CACNA2D1: variants seen among roughly 807,000 people sequenced by gnomAD.
CACNA2D1 encodes voltage-dependent calcium channel subunit alpha-2/delta-1.
CACNA2D1 carries 53 observed loss-of-function variants against 171.5 expected under a neutral mutation model. The observed-to-expected ratio is 0.31, with a 90% confidence interval of 0.25 to 0.39. CACNA2D1 has a LOEUF of 0.39. CACNA2D1 is among the 10% of genes least tolerant of loss of function. The pLI, the probability that CACNA2D1 is intolerant of heterozygous loss-of-function variation, is 1.00. For synonymous variants in CACNA2D1, 442 were observed against 443.1 expected (o/e 1.00, Z 0.03); for missense variants, 903 against 1,299.8 (o/e 0.69, Z 4.69).
At chr7:82,369,557 A>G (rs771612401) in intron 1 of CACNA2D1, among the ~76,000 whole-genome samples, 2 of 152,090 alleles carry the variant, frequency 1.3e-5, no homozygotes, top group Non-Finnish European at 2.9e-5. Flanking sequence ...AATTGTAAGA[A>G]GTTATTCTAC....
At chr7:81,953,941 T>C (rs1792906204) in intron 38 of CACNA2D1, among the ~76,000 whole-genome samples, 3 of 152,144 alleles carry the variant, frequency 2.0e-5, no homozygotes, top group Admixed American at 6.6e-5. Context: ...TCTGTTTCTA[T>C]TTGGGAGGTG....
At chr7:82,043,926 T>A (rs1804245142) in intron 10 of CACNA2D1, among the ~76,000 whole-genome samples, 1 of 152,212 alleles carries the variant, frequency 6.6e-6, no homozygotes, top group Non-Finnish European at 1.5e-5. Flanking sequence ...CAAGTAGTTC[T>A]GCACTGGAAA....
Position 82,123,175 on chromosome 7 carries a change from C to A in CACNA2D1, c.397-6002G>T, listed in dbSNP as rs1476872410. Among the ~76,000 whole-genome samples, 3 of 152,232 alleles carry A rather than the reference C, an allele frequency of 2.0e-5. No homozygotes were observed. The East Asian group carries it at 5.8e-4, about 29-fold the overall frequency. On this transcript the variant is annotated intron_variant, in intron 5 of 38. Transcript: ENST00000356860. ...GGAAAGCAGCCCCAAAAACATAAGG[C>A]AGAATTCTTAGAAGACACTGAGTCT... is the stretch of plus-strand genomic sequence containing the variant.
At chr7:82,442,830 A>T (rs1290655344) in intron 1 of CACNA2D1, among the ~76,000 whole-genome samples, 6 of 152,160 alleles carry the variant, frequency 3.9e-5, no homozygotes, top group African/African-American at 1.4e-4. Context: ...GCACGCGTCT[A>T]ATCGGAAGGC....
At chr7:82,216,542 G>A (rs976921717) in intron 3 of CACNA2D1, among the ~76,000 whole-genome samples, 6 of 152,108 alleles carry the variant, frequency 3.9e-5, no homozygotes, top group African/African-American at 1.4e-4. Context: ...ACATATTCAT[G>A]AGATATTTTA....
intron 3 of CACNA2D1, among the ~76,000 whole-genome samples, chr7:82,243,459 A>G (rs1804551309): frequency 1.3e-5 from 2 of 152,234 alleles, no homozygotes; most frequent in Non-Finnish European, 2.9e-5. Context: ...AAAATTCTCA[A>G]TTATACCCGA....
chr7:82,166,732 G>T (rs7809334), intron 4 of CACNA2D1, among the ~76,000 whole-genome samples: 50,019 of 151,860 alleles, frequency 0.33, 9,931 homozygotes, highest in East Asian at 0.54. Flanking sequence ...TGGAGACCTA[G>T]CAGGCAGCTG....
intron 19 of CACNA2D1, 59 bp from the exon 20 acceptor site, chr7:81,994,998 G>T (rs1275138899): frequency 2.4e-6 from 2 of 829,398 alleles, no homozygotes; most frequent in South Asian, 1.3e-5. Context: ...GCCAAAATAT[G>T]ACTATTAACA....
intron 1 of CACNA2D1, among the ~76,000 whole-genome samples, chr7:82,362,112 G>C (rs1004423168): frequency 1.5e-4 from 23 of 152,116 alleles, no homozygotes; most frequent in African/African-American, 4.6e-4. Context: ...TGAGGTCCCT[G>C]CTTAAGATGG....
intron 6 of CACNA2D1, among the ~76,000 whole-genome samples, chr7:82,110,112 C>T (rs1248187949): frequency 6.6e-6 from 1 of 152,096 alleles, no homozygotes; most frequent in African/African-American, 2.4e-5. Flanking sequence ...ACATAGTATC[C>T]AATGTCCACA....
intron 6 of CACNA2D1, among the ~76,000 whole-genome samples, chr7:82,092,516 G>A (rs1811298911): frequency 1.3e-5 from 2 of 149,878 alleles, no homozygotes; most frequent in African/African-American, 4.9e-5. Flanking sequence ...GGGACTACGG[G>A]CACCCACCAC....
intron 12 of CACNA2D1, among the ~76,000 whole-genome samples, chr7:82,021,864 T>C (rs552929516): frequency 3.9e-5 from 6 of 151,992 alleles, no homozygotes; most frequent in Non-Finnish European, 7.4e-5. Flanking sequence ...GTGAGCAGAG[T>C]TCTTAATCAG....
intron 3 of CACNA2D1, among the ~76,000 whole-genome samples, chr7:82,301,367 C>T (rs959259058): frequency 7.2e-5 from 11 of 152,056 alleles, no homozygotes; most frequent in African/African-American, 2.4e-4. Flanking sequence ...TCAGGTGATC[C>T]GCCTGCCTCA....
rs180942391 is a variant in CACNA2D1 at position 82,355,061 on chromosome 7, A to G, written c.96-5412T>C. On this transcript the variant is annotated intron_variant, in intron 1 of 38. Transcript: ENST00000356860. ...CAGATTTCAAATTTTTATTTTTTGC[A>G]TTTTTTGCCTGATAACTTATGAATA... Among the ~76,000 whole-genome samples the G allele has an allele frequency of 3.4e-4, 51 of 152,128 alleles. 2 individuals are homozygous for G. The East Asian group carries it at 9.7e-3, about 29-fold the overall frequency.
intron 1 of CACNA2D1, among the ~76,000 whole-genome samples, chr7:82,408,094 C>T (rs2129453597): frequency 6.6e-6 from 1 of 150,512 alleles, no homozygotes; most frequent in Non-Finnish European, 1.5e-5. Context: ...GATCTTGGCT[C>T]ACTGCAACCT....
chr7:82,126,649 T>G (rs1790363948), intron 5 of CACNA2D1, among the ~76,000 whole-genome samples: 1 of 152,192 alleles, frequency 6.6e-6, no homozygotes, highest in Non-Finnish European at 1.5e-5. Context: ...TGTATTTATC[T>G]TCTCTGAATT....
intron 3 of CACNA2D1, among the ~76,000 whole-genome samples, chr7:82,226,826 T>C (rs1012504969): frequency 1.3e-5 from 2 of 152,194 alleles, no homozygotes; most frequent in African/African-American, 4.8e-5. Flanking sequence ...ATCTACTAGA[T>C]ATTTTCAACA....
chr7:82,095,153 T>G (rs1811704614), intron 6 of CACNA2D1, among the ~76,000 whole-genome samples: 1 of 152,108 alleles, frequency 6.6e-6, no homozygotes, highest in South Asian at 2.1e-4. Context: ...AATGTCATTC[T>G]GTATGCTGTC....
At position 82,307,523 on chromosome 7, in the gene CACNA2D1, A is replaced by G. The variant is rs1050968091; in HGVS notation, c.294+27612T>C. Among the ~76,000 whole-genome samples, 17 of 150,252 alleles carry G rather than the reference A, an allele frequency of 1.1e-4. 2 individuals are homozygous for G. The highest frequency in any genetic ancestry group is 1.1e-3 in the Admixed American group (16 of 15,074). On this transcript the variant is annotated intron_variant, in intron 3 of 38. Coordinates refer to ENST00000356860, the MANE Select transcript of CACNA2D1 (RefSeq NM_000722.4). Reference sequence around the variant, plus strand: ...TTTATAATTCTTAAAATAATTATATAATTTATAAATTTATAATTCTTATAA... The same window carrying G: ...TTTATAATTCTTAAAATAATTATATGATTTATAAATTTATAATTCTTATAA...
Sources: gnomAD v4.1 joint callset for allele counts (sites outside exome capture counted in the v4.1 genomes callset) on GRCh38, gnomAD v4.1.1 for gene constraint, MANE v1.5 for transcripts, NCBI Gene and HGNC (gene_info 2026-07-23, HGNC 2026-07-21) for gene names.